The following PDE4C variants were observed in gnomAD, a reference collection of about 807,000 sequenced individuals.
PDE4C encodes phosphodiesterase 4C, also known as 3',5'-cyclic-AMP phosphodiesterase 4C.
Under a neutral mutation model 63.9 loss-of-function variants are expected in PDE4C, and 50 were observed. That is an observed-to-expected ratio of 0.78 (90% confidence interval 0.62 to 0.99). The LOEUF is 0.99. Among genes scored for constraint, PDE4C ranks in the 50% least tolerant of loss-of-function variants. The probability of loss-of-function intolerance (pLI) is 0.00; values close to 1 mark genes in which losing one functional copy is unlikely to be tolerated. For missense variants in PDE4C, 777 were observed against 899.1 expected (o/e 0.86, Z 1.74); for synonymous variants, 377 against 385.1 (o/e 0.98, Z 0.25).
chr19:18,240,598 C>CAT (rs1969020157), intron 1 of PDE4C, among the ~76,000 whole-genome samples: 1 of 151,670 alleles, frequency 6.6e-6, no homozygotes, highest in African/African-American at 2.4e-5. Flanking sequence ...CCTGGTGGTG[C>CAT]GCACCTGTAG....
intron 1 of PDE4C, among the ~76,000 whole-genome samples, chr19:18,232,768 T>C (rs967496220): frequency 7.2e-5 from 11 of 151,968 alleles, no homozygotes; most frequent in Admixed American, 6.6e-4. Flanking sequence ...CCACAAGCCA[T>C]GATGACACCA....
At chr19:18,235,521 C>T (rs1459405385), upstream of PDE4C, among the ~76,000 whole-genome samples, 1 of 152,154 alleles carries the variant, frequency 6.6e-6, no homozygotes, top group Non-Finnish European at 1.5e-5. Context: ...TCACTTCTCT[C>T]CAGCCCATGG....
At chr19:18,234,532 C>T (rs963025393), upstream of PDE4C, among the ~76,000 whole-genome samples, 16 of 152,138 alleles carry the variant, frequency 1.1e-4, no homozygotes, top group Non-Finnish European at 2.1e-4. Flanking sequence ...CAGGGCTGGG[C>T]GGGTGAGTGT....
Position 18,221,396 on chromosome 19 carries a change from TCTC to T in PDE4C, c.339-102_339-100del, listed in dbSNP as rs751221199. ...CTGAGGGGGTCCTGCTCTCAGGACT[TCTC>T]CTCCAGGCTCCTTCTTAGTCCCTGG... On this transcript the variant is annotated intron_variant, in intron 2 of 14. Coordinates refer to ENST00000262805, the Ensembl canonical transcript of PDE4C. 1.5e-3 allele frequency: 1,828 copies of T among 1,250,178 alleles called. 3 individuals are homozygous for T. The highest frequency in any genetic ancestry group is 1.9e-3 in the Non-Finnish European group (1,681 of 903,422). The allele number at this position is 1,250,178 out of a possible 1,614,324, so 77.4% of individuals were successfully genotyped here. A position where few individuals can be genotyped will look rare whatever the true frequency, so the allele number is the denominator to read the frequency against.
At chr19:18,210,781 G>T (rs1967885967) in exon 15 of PDE4C, 7 of 1,369,410 alleles carry the variant, frequency 5.1e-6, no homozygotes, top group Non-Finnish European at 6.7e-6. Flanking sequence ...GACCCTGGGA[G>T]CCACCTATAA....
At chr19:18,226,796 G>A (rs551747582), upstream of PDE4C, among the ~76,000 whole-genome samples, 1 of 151,782 alleles carries the variant, frequency 6.6e-6, no homozygotes, top group South Asian at 2.1e-4. Flanking sequence ...AGAGATGGGG[G>A]TGTCTCTTTA....
At chr19:18,216,608 A>G in intron 12 of PDE4C, 133 bp downstream of exon 12, 1 of 858,898 alleles carries the variant, frequency 1.2e-6, no homozygotes, top group South Asian at 1.9e-5. Flanking sequence ...GGAAGCTCAG[A>G]CAGAGTGAGG....
intron 1 of PDE4C, among the ~76,000 whole-genome samples, chr19:18,246,010 ATTT>A (rs752230825): frequency 2.4e-5 from 3 of 127,616 alleles, no homozygotes; most frequent in Admixed American, 8.1e-5. Flanking sequence ...TGCCCAGCTA[ATTT>A]TTTTTTTTTT....
chr19:18,230,774 T>C (rs1328256628), upstream of PDE4C, among the ~76,000 whole-genome samples: 1 of 152,158 alleles, frequency 6.6e-6, no homozygotes, highest in Non-Finnish European at 1.5e-5. Context: ...CCTCTGGGCT[T>C]GTTCTCTGAC....
At chr19:18,236,964 G>C (rs546078529), upstream of PDE4C, 2 of 152,806 alleles carry the variant, frequency 1.3e-5, no homozygotes, top group African/African-American at 2.4e-5. Flanking sequence ...GCTCGGCAGC[G>C]ATGGCAGCAA....
chr19:18,216,443 T>C (rs1277441340), intron 12 of PDE4C, among the ~76,000 whole-genome samples: 2 of 151,756 alleles, frequency 1.3e-5, no homozygotes. Context: ...CCCAGCTAAT[T>C]TTTGTATTTT....
At chr19:18,211,110 G>C in exon 15 of PDE4C, 1 of 1,614,160 alleles carries the variant, frequency 6.2e-7, no homozygotes, top group Non-Finnish European at 8.5e-7. Context: ...GAATCTGTCA[G>C]GCCCGTCCCG....
Position 18,220,795 on chromosome 19 carries a change from C to T in PDE4C, c.499+79G>A, listed in dbSNP as rs763060996. The T allele has an allele frequency of 8.2e-5, 114 of 1,390,208 alleles. No individual in the cohort carries two copies. The highest frequency in any genetic ancestry group is 1.5e-5 in the Non-Finnish European group (15 of 991,658). 86.1% of individuals were successfully genotyped at this position (1,390,208 alleles called of 1,614,324 possible). A position where few individuals can be genotyped will look rare whatever the true frequency, so the allele number is the denominator to read the frequency against. On this transcript the variant is annotated intron_variant, in intron 5 of 14. Coordinates refer to ENST00000262805, the Ensembl canonical transcript of PDE4C. This position sits in a 1 kb window ranked among gnomAD's most constrained non-coding sequence, Gnocchi z 5.1. ...CTACAATTAGCCCCAGTATAAGGGG[C>T]TCATGGACTGGGGAGGTCACTATGG...
chr19:18,215,002 G>A (rs186239778), intron 12 of PDE4C, among the ~76,000 whole-genome samples: 2 of 150,742 alleles, frequency 1.3e-5, no homozygotes, highest in African/African-American at 4.9e-5. Context: ...GCCCAGCCAG[G>A]AGTGACTCAG....
In PDE4C at chr19:18,220,753, T is replaced by C. The variant is rs1210436960; in HGVS notation, c.499+121A>G. 1.9e-6 allele frequency: 2 copies of C among 1,030,222 alleles called. No individual in the cohort carries two copies. The highest frequency in any genetic ancestry group is 4.1e-5 in the Admixed American group (2 of 49,264). 63.8% of individuals were successfully genotyped at this position (1,030,222 alleles called of 1,614,324 possible). On this transcript the variant is annotated intron_variant, in intron 5 of 14. Coordinates refer to ENST00000262805, the Ensembl canonical transcript of PDE4C. This position sits in a 1 kb window ranked among gnomAD's most constrained non-coding sequence, Gnocchi z 5.1. ...GGGTCCATCCCCGAGGGCGTTATTGTTTTTGCAGGGGCGGGGCTACAATTA... is the reference window on the plus strand; with the variant it reads ...GGGTCCATCCCCGAGGGCGTTATTGCTTTTGCAGGGGCGGGGCTACAATTA...
At chr19:18,213,560 A>G in intron 12 of PDE4C, 70 bp from the exon 13 acceptor site, 1 of 1,522,938 alleles carries the variant, frequency 6.6e-7, no homozygotes, top group East Asian at 2.4e-5. Context: ...CCCAACTCCC[A>G]GATGCCACTC....
In PDE4C at chr19:18,214,869, A is replaced by C. The variant is rs150834856; in HGVS notation, c.1390-1379T>G. Among the ~76,000 whole-genome samples, 163 of 151,448 alleles carry C rather than the reference A, an allele frequency of 1.1e-3. 1 individual carries two copies. Among genetic ancestry groups the C allele is most frequent in the African/African-American group, 3.9e-3 (159 of 41,228 alleles). ...GAGGCTGAGGCAGGAGAATCACTTG[A>C]ACCCAGGAGGTGGAGGTTGCAGTGA... On this transcript the variant is annotated intron_variant, in intron 12 of 14. Coordinates refer to ENST00000262805, the Ensembl canonical transcript of PDE4C.
intron 14 of PDE4C, 129 bp downstream of exon 14, chr19:18,211,630 C>T: frequency 9.7e-7 from 1 of 1,030,610 alleles, no homozygotes; most frequent in Non-Finnish European, 1.5e-6. Flanking sequence ...CTAACTCGGC[C>T]CAGACAGCAC....
intron 13 of PDE4C, 40 bp downstream of exon 13, chr19:18,213,328 A>C (rs1423441533): frequency 6.5e-7 from 1 of 1,540,022 alleles, no homozygotes; most frequent in African/African-American, 1.4e-5. Flanking sequence ...GTAAAACCAA[A>C]ATTTAAAAAG....
Sources: allele counts gnomAD v4.1 joint callset (sites outside exome capture counted in the v4.1 genomes callset), GRCh38; gene constraint gnomAD v4.1.1; non-coding constraint Gnocchi (gnomAD v3.1); transcripts MANE v1.5; gene names NCBI Gene and HGNC (gene_info 2026-07-23, HGNC 2026-07-21).